TTC39B: variants seen among roughly 807,000 people sequenced by gnomAD.
TTC39B encodes the protein tetratricopeptide repeat domain 39B.
Under a neutral mutation model 96.6 loss-of-function variants are expected in TTC39B, and 92 were observed. That is an observed-to-expected ratio of 0.95 (90% CI 0.80 to 1.13). The LOEUF is 1.13. TTC39B is among the 50% of genes most tolerant of loss of function. The pLI is 0.00. For synonymous variants in TTC39B, 367 were observed against 299.4 expected (o/e 1.23, Z -2.33); for missense variants, 955 against 809.3 (o/e 1.18, Z -2.18).
chr9:15,258,679 C>T (rs1307598148), intron 2 of TTC39B, among the ~76,000 whole-genome samples: 1 of 152,162 alleles, frequency 6.6e-6, no homozygotes, highest in Non-Finnish European at 1.5e-5. Context: ...GGACACTGAG[C>T]CTGCAGAAAG....
chr9:15,185,014 G>T (rs1190709561), intron 16 of TTC39B, among the ~76,000 whole-genome samples: 2 of 152,160 alleles, frequency 1.3e-5, no homozygotes, highest in Admixed American at 1.3e-4. Context: ...ATGGGGCTAA[G>T]AGTTAACTAT....
chr9:15,171,741 G>A (rs939121828), exon 20 of TTC39B: 12 of 208,990 alleles, frequency 5.7e-5, no homozygotes, highest in African/African-American at 2.8e-4. Context: ...GCATCTGCAA[G>A]TCTTTCAAAA....
chr9:15,175,111 G>T, exon 19 of TTC39B: 1 of 1,613,166 alleles, frequency 6.2e-7, no homozygotes, highest in East Asian at 2.2e-5. Flanking sequence ...GCACTAGGTA[G>T]TGGTCATACT....
intron 10 of TTC39B, 90 bp downstream of exon 10, chr9:15,191,100 G>A: frequency 2.3e-6 from 2 of 853,152 alleles, no homozygotes; most frequent in Non-Finnish European, 3.8e-6. Context: ...AATTATCAAG[G>A]TAGTTATGCA....
intron 1 of TTC39B, among the ~76,000 whole-genome samples, chr9:15,286,225 GA>G: frequency 6.6e-6 from 1 of 152,300 alleles, no homozygotes; most frequent in South Asian, 2.1e-4. Flanking sequence ...TACAGAACAG[GA>G]ATCAGTCTAG....
chr9:15,293,392 G>C (rs781411052), intron 1 of TTC39B, among the ~76,000 whole-genome samples: 1 of 152,186 alleles, frequency 6.6e-6, no homozygotes, highest in Non-Finnish European at 1.5e-5. Context: ...TGGTACCTGA[G>C]GGAGGTCTGA....
chr9:15,259,018 C>T (rs937929032), intron 2 of TTC39B, among the ~76,000 whole-genome samples: 2 of 152,020 alleles, frequency 1.3e-5, no homozygotes, highest in Non-Finnish European at 2.9e-5. Flanking sequence ...TAGAGTAGAT[C>T]TAACAGGACA....
In TTC39B at chr9:15,172,379, T is replaced by C. The variant is rs190313241; in HGVS notation, c.1959-270A>G. On this transcript the variant is annotated intron_variant, in intron 19 of 19. Coordinates refer to ENST00000512701, the Ensembl canonical transcript of TTC39B. The stretch of plus-strand genomic sequence containing the variant: ...TTAATTACCAAATCATTCACAAGCA[T>C]AGCAAGAAGTTGTGAGAAGGGCTGT... Among the ~76,000 whole-genome samples the C allele has an allele frequency of 2.0e-5, 3 of 152,206 alleles. No individual in the cohort carries two copies. The East Asian group carries it at 5.8e-4, about 29-fold the overall frequency.
In TTC39B at chr9:15,274,667, C is replaced by T. The variant is rs566229302; in HGVS notation, c.241-6719G>A. On this transcript the variant is annotated intron_variant, in intron 1 of 19. Coordinates refer to ENST00000512701, the Ensembl canonical transcript of TTC39B. ...CCACCTGTAACGACTGTTGTTGGTC[C>T]TTGCAGGGAACAAAACATGACCTTC... is the stretch of plus-strand genomic sequence containing the variant. Among the ~76,000 whole-genome samples, 6 of 152,214 alleles carry T rather than the reference C, an allele frequency of 3.9e-5. 1 individual carries two copies. The highest frequency in any genetic ancestry group is 3.9e-4 in the Admixed American group (6 of 15,286).
chr9:15,209,711 A>G (rs991907509), intron 6 of TTC39B, among the ~76,000 whole-genome samples: 5 of 152,236 alleles, frequency 3.3e-5, no homozygotes, highest in African/African-American at 1.2e-4. Flanking sequence ...AGAAAAGCCA[A>G]GTAAAGTACA....
intron 6 of TTC39B, among the ~76,000 whole-genome samples, chr9:15,204,460 T>C (rs1403252223): frequency 2.0e-5 from 3 of 149,192 alleles, no homozygotes; most frequent in East Asian, 3.9e-4. Flanking sequence ...ACCCGGGAGG[T>C]GGAGGTTGCA....
chr9:15,222,070 T>C (rs944377456), intron 3 of TTC39B, among the ~76,000 whole-genome samples: 1 of 152,192 alleles, frequency 6.6e-6, no homozygotes, highest in African/African-American at 2.4e-5. Flanking sequence ...GTGGGATGTA[T>C]TCCCAAAAAC....
intron 2 of TTC39B, among the ~76,000 whole-genome samples, chr9:15,254,131 A>G (rs1371132936): frequency 6.6e-6 from 1 of 151,950 alleles, no homozygotes; most frequent in African/African-American, 2.4e-5. Flanking sequence ...GGCTTGTTAA[A>G]CCTGGGGTGT....
At chr9:15,302,092 G>C (rs535352735) in intron 1 of TTC39B, among the ~76,000 whole-genome samples, 6 of 152,196 alleles carry the variant, frequency 3.9e-5, no homozygotes, top group African/African-American at 1.4e-4. Context: ...GGAGGCCAAG[G>C]CGGGTGGATC....
At chr9:15,217,324 A>G (rs1275017287) in intron 3 of TTC39B, among the ~76,000 whole-genome samples, 2 of 152,180 alleles carry the variant, frequency 1.3e-5, no homozygotes, top group African/African-American at 2.4e-5. Context: ...CAGACTGTGA[A>G]CAGATACTAG....
Position 15,185,413 on chromosome 9 carries a change from A to G in TTC39B, c.1488-7T>C. 1 of 1,613,474 alleles carries G rather than the reference A, an allele frequency of 6.2e-7. No homozygotes were observed. The highest frequency in any genetic ancestry group is 8.5e-7 in the Non-Finnish European group (1 of 1,179,572). ...CTTCAAGCTGTCCACCTGTCTGTGA[A>G]GAACCCCAGCCCAGCCCCAGAGAAA... On this transcript the variant is annotated splice_region_variant and splice_polypyrimidine_tract_variant and intron_variant, in intron 15 of 19. Transcript: ENST00000512701.
At chr9:15,195,578 G>A (rs997395066) in intron 8 of TTC39B, among the ~76,000 whole-genome samples, 2 of 149,194 alleles carry the variant, frequency 1.3e-5, no homozygotes, top group East Asian at 2.0e-4. Context: ...GCTGAGGCAG[G>A]AGAATCACTT....
intron 2 of TTC39B, among the ~76,000 whole-genome samples, chr9:15,262,341 C>T (rs1822976057): frequency 6.6e-6 from 1 of 152,156 alleles, no homozygotes; most frequent in Non-Finnish European, 1.5e-5. Context: ...TCAGGTGATC[C>T]ACCCACCTCA....
At chr9:15,228,052 C>A (rs981813817) in intron 2 of TTC39B, among the ~76,000 whole-genome samples, 10 of 151,914 alleles carry the variant, frequency 6.6e-5, no homozygotes, top group Admixed American at 1.3e-4. Context: ...CCATGTTTCC[C>A]AAGATTGTTT....
Sources: gnomAD v4.1 joint callset for allele counts (sites outside exome capture counted in the v4.1 genomes callset) on GRCh38, gnomAD v4.1.1 for gene constraint, MANE v1.5 for transcripts, NCBI Gene and HGNC (gene_info 2026-07-23, HGNC 2026-07-21) for gene names.